The following RALGAPA1 variants were observed in gnomAD, a reference collection of about 807,000 sequenced individuals.
The protein encoded by RALGAPA1 is ral GTPase-activating protein subunit alpha-1.
A neutral mutation model predicts 269.6 loss-of-function variants in RALGAPA1; 52 were observed. The ratio of observed to expected loss-of-function variants is 0.19; its 90% CI spans 0.15 to 0.24. The LOEUF is 0.24. RALGAPA1 is among the 10% of genes least tolerant of loss of function. RALGAPA1 has a pLI of 1.00. For synonymous variants in RALGAPA1, 817 were observed against 1,008.3 expected (o/e 0.81, Z 3.60); for missense variants, 1,917 against 3,013.9 (o/e 0.64, Z 8.52).
chr14:35,612,646 C>G (rs2039824492), intron 35 of RALGAPA1, among the ~76,000 whole-genome samples: 1 of 151,544 alleles, frequency 6.6e-6, no homozygotes, highest in Non-Finnish European at 1.5e-5. Flanking sequence ...TCATGCCACT[C>G]TCCTGCCTCA....
intron 19 of RALGAPA1, 85 bp from the exon 20 acceptor site, chr14:35,685,230 C>T (rs1056901528): frequency 1.8e-5 from 22 of 1,199,536 alleles, no homozygotes; most frequent in African/African-American, 6.2e-5. Context: ...CAAACCATCA[C>T]AATAAATGCT....
intron 26 of RALGAPA1, among the ~76,000 whole-genome samples, chr14:35,665,197 G>A (rs942282151): frequency 2.0e-5 from 3 of 152,092 alleles, no homozygotes; most frequent in East Asian, 1.9e-4. Flanking sequence ...ATATGAAAGA[G>A]GAACCAATCT....
At chr14:35,586,324 G>C (rs1246975614) in intron 37 of RALGAPA1, among the ~76,000 whole-genome samples, 3 of 152,194 alleles carry the variant, frequency 2.0e-5, no homozygotes, top group African/African-American at 7.2e-5. Context: ...TGCCGAAGTT[G>C]CTTGTCAGCT....
At chr14:35,780,969 C>A (rs1044045129) in intron 1 of RALGAPA1, among the ~76,000 whole-genome samples, 3 of 151,362 alleles carry the variant, frequency 2.0e-5, no homozygotes, top group African/African-American at 4.9e-5. Flanking sequence ...TACATATATA[C>A]GAAAATAAAG....
intron 18 of RALGAPA1, 120 bp downstream of exon 18, chr14:35,688,335 CCAAA>C (rs2066139665): frequency 1.1e-5 from 12 of 1,104,650 alleles, no homozygotes; most frequent in South Asian, 6.1e-5. Context: ...GCATGCATAA[CCAAA>C]CAGAGAGAAA....
chr14:35,803,343 A>G (rs116953382), intron 1 of RALGAPA1, among the ~76,000 whole-genome samples: 1,961 of 152,344 alleles, frequency 0.013, 21 homozygotes, highest in South Asian at 0.024. Context: ...TAAAACTCAG[A>G]TGAATCATAG....
chr14:35,542,959 T>C (rs996247520), intron 41 of RALGAPA1, among the ~76,000 whole-genome samples: 3 of 152,240 alleles, frequency 2.0e-5, no homozygotes, highest in Non-Finnish European at 2.9e-5. Flanking sequence ...GTTTCGTTTG[T>C]ACTGTTTGGT....
chr14:35,797,735 C>T (rs1394355046), intron 1 of RALGAPA1, among the ~76,000 whole-genome samples: 1 of 150,840 alleles, frequency 6.6e-6, no homozygotes, highest in Non-Finnish European at 1.5e-5. Flanking sequence ...ATCCCAGCTA[C>T]TCAGGAGGCT....
intron 1 of RALGAPA1, among the ~76,000 whole-genome samples, chr14:35,790,680 T>G (rs985352056): frequency 1.2e-4 from 16 of 135,852 alleles, no homozygotes; most frequent in African/African-American, 4.4e-4. Context: ...AAGAAGAGAC[T>G]GTCTAAAAAA....
At chr14:35,647,209 G>A (rs1566913596) in intron 31 of RALGAPA1, among the ~76,000 whole-genome samples, 1 of 152,044 alleles carries the variant, frequency 6.6e-6, no homozygotes, top group Non-Finnish European at 1.5e-5. Flanking sequence ...ACACACTGCT[G>A]GCACGTGATT....
chr14:35,540,979 G>A (rs1380361044), intron 41 of RALGAPA1, among the ~76,000 whole-genome samples: 1 of 151,512 alleles, frequency 6.6e-6, no homozygotes, highest in Non-Finnish European at 1.5e-5. Context: ...GTTCAGTAAG[G>A]GGTGAAGATC....
At chr14:35,620,361 C>G (rs1283067190) in intron 35 of RALGAPA1, among the ~76,000 whole-genome samples, 1 of 152,094 alleles carries the variant, frequency 6.6e-6, no homozygotes, top group Non-Finnish European at 1.5e-5. Context: ...CAACGTATCT[C>G]AAAATAACTA....
At chr14:35,578,948 CAT>C (rs1266933129) in intron 37 of RALGAPA1, among the ~76,000 whole-genome samples, 1 of 152,096 alleles carries the variant, frequency 6.6e-6, no homozygotes, top group African/African-American at 2.4e-5. Flanking sequence ...GTCAGATAAA[CAT>C]ATACAAAAAT....
chr14:35,640,333 A>G (rs2061943947), intron 31 of RALGAPA1, among the ~76,000 whole-genome samples: 1 of 152,104 alleles, frequency 6.6e-6, no homozygotes, highest in African/African-American at 2.4e-5. Context: ...AAAAAAGATA[A>G]AATTGACAAA....
intron 1 of RALGAPA1, among the ~76,000 whole-genome samples, chr14:35,797,932 A>G (rs2076699400): frequency 6.6e-6 from 1 of 151,152 alleles, no homozygotes; most frequent in African/African-American, 2.4e-5. Context: ...GAGTGCACTG[A>G]CATGATCACA....
chr14:35,809,048 C>A lies in RALGAPA1; in HGVS notation c.-213G>T. 2.5e-6 allele frequency: 2 copies of A among 790,464 alleles called. No homozygotes were observed. The highest frequency in any genetic ancestry group is 1.9e-5 in the South Asian group (1 of 52,464). 49.0% of individuals were successfully genotyped at this position (790,464 alleles called of 1,614,324 possible). On this transcript the variant is annotated 5_prime_UTR_variant, in exon 1 of 42. Transcript: ENST00000680220. ...CGCCGCGGCTCCAAGGCACCTTCGG[C>A]CCCAGCTCCAATATGGCGGATCCCT...
chr14:35,609,101 C>T (rs1051993831), intron 35 of RALGAPA1, among the ~76,000 whole-genome samples: 1 of 151,996 alleles, frequency 6.6e-6, no homozygotes, highest in Non-Finnish European at 1.5e-5. Flanking sequence ...GTGGGGGGTG[C>T]CTGTAGTCCC....
At chr14:35,618,841 C>T (rs1382696478) in intron 35 of RALGAPA1, among the ~76,000 whole-genome samples, 3 of 152,026 alleles carry the variant, frequency 2.0e-5, no homozygotes, top group Non-Finnish European at 2.9e-5. Context: ...CAATAAAACA[C>T]CTAGAAATAT....
At chr14:35,650,293 G>A (rs778794025) in intron 31 of RALGAPA1, among the ~76,000 whole-genome samples, 5 of 152,020 alleles carry the variant, frequency 3.3e-5, no homozygotes, top group African/African-American at 9.7e-5. Flanking sequence ...GCTGAAGCAC[G>A]AGAACCGCTT....
Sources: allele counts gnomAD v4.1 joint callset (sites outside exome capture counted in the v4.1 genomes callset), GRCh38; gene constraint gnomAD v4.1.1; transcripts MANE v1.5; gene names NCBI Gene and HGNC (gene_info 2026-07-23, HGNC 2026-07-21).